The following PPIL2 variants were observed in gnomAD, a reference collection of about 807,000 sequenced individuals.
PPIL2 encodes the protein RING-type E3 ubiquitin-protein ligase PPIL2.
Under a neutral mutation model 75.2 loss-of-function variants are expected in PPIL2, and 50 were observed. The observed-to-expected ratio is 0.66, with a 90% CI of 0.53 to 0.84. PPIL2 has a LOEUF of 0.84. Ranked by LOEUF, PPIL2 falls within the 40% of genes least tolerant of loss-of-function variation. The pLI is 0.00. For synonymous variants in PPIL2, 245 were observed against 258.8 expected (o/e 0.95, Z 0.51); for missense variants, 590 against 685.0 (o/e 0.86, Z 1.55).
chr22:21,669,056 A>G (rs972078703), intron 1 of PPIL2, among the ~76,000 whole-genome samples: 2 of 145,464 alleles, frequency 1.4e-5, no homozygotes, highest in African/African-American at 2.6e-5. Context: ...TCACCGTGTT[A>G]GCCAGAATGG....
Position 21,695,551 on chromosome 22 carries a change from C to A in PPIL2, c.*61C>A, listed in dbSNP as rs534188494. 684 of 1,551,276 alleles carry A rather than the reference C, an allele frequency of 4.4e-4. 10 individuals carry two copies. In the South Asian group the frequency reaches 7.6e-3, roughly 17 times the overall value. ...CAGGGCTGGGGGCCCATGTCCACAT[C>A]TCCATTTCCAGCCTTTCTAGCCTGC... is the stretch of plus-strand genomic sequence containing the variant. On this transcript the variant is annotated 3_prime_UTR_variant, in exon 20 of 20. Coordinates refer to ENST00000398831, the MANE Select transcript of PPIL2 (RefSeq NM_014337.4).
intron 9 of PPIL2, among the ~76,000 whole-genome samples, chr22:21,684,221 G>A (rs1241811475): frequency 6.6e-6 from 1 of 150,954 alleles, no homozygotes; most frequent in Non-Finnish European, 1.5e-5. Context: ...GGCTGGGCGC[G>A]GTGGGTCACG....
At chr22:21,684,169 C>T (rs5749643) in intron 9 of PPIL2, among the ~76,000 whole-genome samples, 37,902 of 150,546 alleles carry the variant, frequency 0.25, 4,743 homozygotes, top group Middle Eastern at 0.32. Flanking sequence ...ATCTTGCAAC[C>T]GCTTTCTAGC....
chr22:21,688,023 G>A, intron 13 of PPIL2, 50 bp from the exon 14 acceptor site: 2 of 1,612,636 alleles, frequency 1.2e-6, no homozygotes, highest in Non-Finnish European at 1.7e-6. Context: ...GGCAGGCGGT[G>A]GGCCTCGGGT....
chr22:21,667,045 A>G (rs1438992460), intron 1 of PPIL2, among the ~76,000 whole-genome samples: 2 of 150,694 alleles, frequency 1.3e-5, no homozygotes, highest in African/African-American at 2.4e-5. Context: ...CTCCTTTGGT[A>G]TCTGGGATTT....
chr22:21,677,182 C>T (rs1289281167), intron 6 of PPIL2, among the ~76,000 whole-genome samples: 1 of 151,886 alleles, frequency 6.6e-6, no homozygotes, highest in Admixed American at 6.6e-5. Context: ...ACGGGGCGGC[C>T]AGGCAGAGAC....
At chr22:21,668,042 G>A (rs2066463783) in intron 1 of PPIL2, among the ~76,000 whole-genome samples, 1 of 151,814 alleles carries the variant, frequency 6.6e-6, no homozygotes, top group South Asian at 2.1e-4. Flanking sequence ...CTCCCAAAGT[G>A]CTGGGATTAC....
rs769678761 is a variant in PPIL2, at chr22:21,687,034, G to C, written c.897+36G>C. 53 of 1,558,438 alleles carry C rather than the reference G, an allele frequency of 3.4e-5. No individual in the cohort carries two copies. The East Asian group carries it at 1.1e-3, about 32-fold the overall frequency. ...AGGCCAGCCACTCCCCATGCCCCAA[G>C]GTCATCTCTGGGTCATCTGACAGCC... On this transcript the variant is annotated intron_variant, in intron 12 of 19. Transcript: ENST00000398831.
chr22:21,693,951 C>G, intron 16 of PPIL2, 79 bp downstream of exon 16: 6 of 1,428,354 alleles, frequency 4.2e-6, no homozygotes, highest in Non-Finnish European at 5.9e-6. Context: ...CTCCTCACTG[C>G]CTTTTTCGTG....
At position 21,666,108 on chromosome 22, in the gene PPIL2, G is replaced by A; in HGVS notation, c.9G>A (p.Lys3=). 1 of 1,613,768 alleles carries A rather than the reference G, an allele frequency of 6.2e-7. No homozygotes were observed. Among genetic ancestry groups the A allele is most frequent in the Non-Finnish European group, 8.5e-7 (1 of 1,179,828 alleles). Residue 3 remains lysine, a synonymous_variant, in exon 1 of 20, where the codon AAG becomes AAA. Coordinates refer to ENST00000398831, the MANE Select transcript of PPIL2 (RefSeq NM_014337.4). ...GCCGCCGCCGCTCCGCCATGGGGAA[G>A]CGACAGCACCAAAAGGACAAAATGT... MG[K]RQHQKDKMYI... is the part of the protein sequence containing the mutation.
intron 15 of PPIL2, among the ~76,000 whole-genome samples, chr22:21,690,690 T>A (rs868349791): frequency 3.3e-5 from 5 of 152,364 alleles, no homozygotes; most frequent in Middle Eastern, 3.4e-3. Context: ...TTCCTCACTT[T>A]AATCCATGTG....
chr22:21,696,572 C>T lies in PPIL2; in HGVS notation c.*1082C>T. On this transcript the variant is annotated 3_prime_UTR_variant, in exon 20 of 20. Coordinates refer to ENST00000398831, the MANE Select transcript of PPIL2 (RefSeq NM_014337.4). ...TGGCTGGCTTTTTCTTCGTCTTCAG[C>T]CCAGGCCAGTGGTCAGTGTTCTCAT... 1 of 1,416,730 alleles carries T rather than the reference C, an allele frequency of 7.1e-7. No individual in the cohort carries two copies. The highest frequency in any genetic ancestry group is 9.2e-7 in the Non-Finnish European group (1 of 1,086,506). The allele number at this position is 1,416,730 out of a possible 1,614,324, so 87.8% of individuals were successfully genotyped here.
intron 15 of PPIL2, 106 bp downstream of exon 15, chr22:21,688,955 C>T: frequency 9.0e-7 from 1 of 1,108,068 alleles, no homozygotes; most frequent in Non-Finnish European, 1.3e-6. Context: ...TGAATCATAC[C>T]CAGACGGTGT....
At position 21,666,395 on chromosome 22, in the gene PPIL2, C is replaced by T. The variant is rs918256068; in HGVS notation, c.32+264C>T. ...CTTACTCTGGTTCTGCCCGGACCGT[C>T]CCCCGTCTGTTCGCGAGTTTCGCCC... On this transcript the variant is annotated intron_variant, in intron 1 of 19. Coordinates refer to ENST00000398831, the MANE Select transcript of PPIL2 (RefSeq NM_014337.4). Among the ~76,000 whole-genome samples the T allele has an allele frequency of 4.6e-5, 7 of 152,312 alleles. No individual in the cohort carries two copies. The East Asian group carries it at 1.4e-3, about 29-fold the overall frequency.
intron 15 of PPIL2, among the ~76,000 whole-genome samples, chr22:21,691,505 C>T (rs1201455569): frequency 1.3e-5 from 2 of 151,864 alleles, no homozygotes; most frequent in Non-Finnish European, 2.9e-5. Flanking sequence ...ACGGTGAAAC[C>T]CCATCTCTAC....
At chr22:21,698,559 C>T (rs535901458), downstream of PPIL2, 1 of 152,428 alleles carries the variant, frequency 6.6e-6, no homozygotes, top group South Asian at 2.1e-4. Flanking sequence ...CCCGGGGCAT[C>T]GGAGGCTGGG....
chr22:21,694,714 G>A (rs1285330277), intron 17 of PPIL2, 41 bp from the exon 18 acceptor site: 3 of 1,612,460 alleles, frequency 1.9e-6, no homozygotes, highest in Admixed American at 1.7e-5. Context: ...CAGGCAGGCA[G>A]GGGGAGGACC....
rs577779009 is a variant in PPIL2, at chr22:21,670,707, A to C, written c.128+96A>C. 26 of 1,347,466 alleles carry C rather than the reference A, an allele frequency of 1.9e-5. No homozygotes were observed. In the Admixed American group the frequency reaches 2.9e-4, roughly 15 times the overall value. The allele number at this position is 1,347,466 out of a possible 1,614,324, so 83.5% of individuals were successfully genotyped here. A position where few individuals can be genotyped will look rare whatever the true frequency, so the allele number is the denominator to read the frequency against. On this transcript the variant is annotated intron_variant, in intron 3 of 19. Coordinates refer to ENST00000398831, the MANE Select transcript of PPIL2 (RefSeq NM_014337.4). Reference sequence around the variant, plus strand: ...TTGTGGATGTGGGGTTATGCGTAAAAGTGTGCCTTGAAGATGTGGCCCTTC... The same window carrying C: ...TTGTGGATGTGGGGTTATGCGTAAACGTGTGCCTTGAAGATGTGGCCCTTC...
chr22:21,681,734 G>T (rs2148534794), intron 7 of PPIL2, among the ~76,000 whole-genome samples: 1 of 152,368 alleles, frequency 6.6e-6, no homozygotes, highest in South Asian at 2.1e-4. Flanking sequence ...GCTGTGAGGG[G>T]AGTGCTCGCC....
Sources: gnomAD v4.1 joint callset for allele counts (sites outside exome capture counted in the v4.1 genomes callset) on GRCh38, gnomAD v4.1.1 for gene constraint, MANE v1.5 for transcripts, NCBI Gene and HGNC (gene_info 2026-07-23, HGNC 2026-07-21) for gene names.